FHOD3: variants seen among roughly 807,000 people sequenced by gnomAD.
FHOD3 encodes the protein formin homology 2 domain containing 3, also known as FH1/FH2 domain-containing protein 3.
Under a neutral mutation model 173.0 loss-of-function variants are expected in FHOD3, and 90 were observed. That is an observed-to-expected ratio of 0.52 (90% CI 0.44 to 0.62). FHOD3 has a LOEUF of 0.62. Ranked by LOEUF, FHOD3 falls within the 20% of genes least tolerant of loss-of-function variation. The probability of loss-of-function intolerance (pLI) is 0.00; values close to 1 mark genes in which losing one functional copy is unlikely to be tolerated. For missense variants in FHOD3, 1,945 were observed against 2,034.7 expected (o/e 0.96, Z 0.85); for synonymous variants, 828 against 823.0 (o/e 1.01, Z -0.10).
At chr18:36,477,997 A>G (rs1473368148) in intron 3 of FHOD3, among the ~76,000 whole-genome samples, 1 of 152,206 alleles carries the variant, frequency 6.6e-6, no homozygotes, top group Non-Finnish European at 1.5e-5. Flanking sequence ...TGACAGACTG[A>G]AAGAACAGAG....
chr18:36,336,848 C>CAAAAAA (rs36099993), intron 1 of FHOD3, among the ~76,000 whole-genome samples: 1 of 35,798 alleles, frequency 2.8e-5, no homozygotes, highest in African/African-American at 8.4e-5. Context: ...AACTCCGTCT[C>CAAAAAA]AAAAAAAAAA....
chr18:36,310,376 C>A (rs1233933421), intron 1 of FHOD3, among the ~76,000 whole-genome samples: 1 of 152,058 alleles, frequency 6.6e-6, no homozygotes, highest in Non-Finnish European at 1.5e-5. Context: ...TGACATAGGC[C>A]TGTGGGGCTA....
chr18:36,604,315 C>T (rs533701542), intron 8 of FHOD3, among the ~76,000 whole-genome samples: 10 of 152,278 alleles, frequency 6.6e-5, no homozygotes, highest in Admixed American at 5.9e-4. Flanking sequence ...GCTGGAGAAA[C>T]ATTTTCCCTG....
chr18:36,469,195 A>G (rs1318678599), intron 3 of FHOD3, among the ~76,000 whole-genome samples: 7 of 152,166 alleles, frequency 4.6e-5, no homozygotes, highest in Non-Finnish European at 7.3e-5. Context: ...TCCTATCACC[A>G]GGTATAGAGC....
At chr18:36,361,842 A>G (rs565620852) in intron 2 of FHOD3, among the ~76,000 whole-genome samples, 2 of 152,270 alleles carry the variant, frequency 1.3e-5, no homozygotes, top group South Asian at 4.1e-4. Context: ...AGGCTCATGA[A>G]ATCAGAACTC....
intron 27 of FHOD3, among the ~76,000 whole-genome samples, chr18:36,762,662 G>A (rs1190091544): frequency 6.6e-6 from 1 of 151,998 alleles, no homozygotes; most frequent in African/African-American, 2.4e-5. Flanking sequence ...TGGGTGTGGT[G>A]TCACATGCCT....
At chr18:36,680,503 C>T (rs1292383578) in intron 14 of FHOD3, among the ~76,000 whole-genome samples, 1 of 152,166 alleles carries the variant, frequency 6.6e-6, no homozygotes, top group African/African-American at 2.4e-5. Flanking sequence ...TTTTATTCTC[C>T]AGAGATCCAT....
intron 27 of FHOD3, among the ~76,000 whole-genome samples, chr18:36,767,432 G>A (rs2043188214): frequency 6.6e-6 from 1 of 152,122 alleles, no homozygotes; most frequent in Admixed American, 6.5e-5. Context: ...AGATTCTCCT[G>A]CCTCAGCCTC....
chr18:36,670,912 A>G (rs2037491041), intron 14 of FHOD3, among the ~76,000 whole-genome samples: 1 of 152,204 alleles, frequency 6.6e-6, no homozygotes, highest in Admixed American at 6.5e-5. Flanking sequence ...AGTCCAATAT[A>G]TTTCCACTAC....
At chr18:36,539,161 G>T (rs1041067549) in intron 5 of FHOD3, among the ~76,000 whole-genome samples, 45 of 152,310 alleles carry the variant, frequency 3.0e-4, no homozygotes, top group Non-Finnish European at 1.5e-4. Flanking sequence ...TATTACATTT[G>T]TTATGTTCAA....
rs573164438 is a variant in FHOD3 at position 36,354,679 on chromosome 18, G to T, written c.166-860G>T. Among the ~76,000 whole-genome samples, 26 of 152,176 alleles carry T rather than the reference G, an allele frequency of 1.7e-4. 1 individual carries two copies. In the South Asian group the frequency reaches 4.2e-3, roughly 24 times the overall value. On this transcript the variant is annotated intron_variant, in intron 1 of 28. Transcript: ENST00000590592. ...AAATTGGCTAGGCATGGTGGTGGGT[G>T]CCTGTAATCCCAGCTACTTGGGAAG...
intron 11 of FHOD3, 103 bp from the exon 12 acceptor site, chr18:36,652,467 A>G (rs2036124494): frequency 7.6e-7 from 1 of 1,314,912 alleles, no homozygotes; most frequent in African/African-American, 1.5e-5. Context: ...GAGTGATAAT[A>G]GTACAGAAGT....
intron 7 of FHOD3, among the ~76,000 whole-genome samples, chr18:36,601,459 C>T (rs1368386743): frequency 1.3e-5 from 2 of 152,154 alleles, no homozygotes; most frequent in Non-Finnish European, 2.9e-5. Flanking sequence ...TAACCCACTT[C>T]CTGCCTTCTC....
At chr18:36,778,096 T>C (rs1276917719) in intron 28 of FHOD3, 2 of 152,244 alleles carry the variant, frequency 1.3e-5, no homozygotes, top group Non-Finnish European at 2.9e-5. Context: ...ATAATAGGTA[T>C]TAGTCCCCAT....
chr18:36,302,217 A>G (rs1229825259), intron 1 of FHOD3, among the ~76,000 whole-genome samples: 1 of 151,832 alleles, frequency 6.6e-6, no homozygotes, highest in Non-Finnish European at 1.5e-5. Context: ...ATTAGCCTTG[A>G]GTGTACTGTG....
At chr18:36,584,758 AG>A (rs2058970287) in intron 6 of FHOD3, among the ~76,000 whole-genome samples, 8 of 152,210 alleles carry the variant, frequency 5.3e-5, no homozygotes, top group Admixed American at 5.2e-4. Flanking sequence ...AATAACACAT[AG>A]ACCCCTTCTC....
chr18:36,463,932 T>A (rs1299147977), intron 3 of FHOD3, among the ~76,000 whole-genome samples: 1 of 152,250 alleles, frequency 6.6e-6, no homozygotes, highest in Non-Finnish European at 1.5e-5. Context: ...TTTGGGTTGC[T>A]GTTAAATAAT....
intron 20 of FHOD3, among the ~76,000 whole-genome samples, chr18:36,739,151 A>T (rs1245799513): frequency 6.6e-6 from 1 of 152,206 alleles, no homozygotes; most frequent in Non-Finnish European, 1.5e-5. Flanking sequence ...GCAACAACCC[A>T]CAAGTTACCA....
At chr18:36,330,104 G>A (rs946768584) in intron 1 of FHOD3, among the ~76,000 whole-genome samples, 1 of 152,172 alleles carries the variant, frequency 6.6e-6, no homozygotes, top group African/African-American at 2.4e-5. Flanking sequence ...AGGGAATCAT[G>A]TTGTGTGAAT....
Sources: allele counts gnomAD v4.1 joint callset (sites outside exome capture counted in the v4.1 genomes callset), GRCh38; gene constraint gnomAD v4.1.1; transcripts MANE v1.5; gene names NCBI Gene and HGNC (gene_info 2026-07-23, HGNC 2026-07-21).